Variants in CTNNA3 observed in about 807,000 individuals in gnomAD.
The protein encoded by CTNNA3 is catenin alpha-3.
Under a neutral mutation model 95.7 loss-of-function variants are expected in CTNNA3, and 76 were observed. That is an observed-to-expected ratio of 0.79 (90% CI 0.66 to 0.96). The LOEUF (loss-of-function observed/expected upper bound fraction) is 0.96, where lower values mean the gene tolerates loss of function less well. Among genes scored for constraint, CTNNA3 ranks in the 40% least tolerant of loss-of-function variants. The pLI is 0.00. For missense variants in CTNNA3, 1,191 were observed against 1,089.8 expected, an observed-to-expected ratio of 1.09 and a Z score of -1.31; for synonymous variants, 431 against 374.4, an observed-to-expected ratio of 1.15 and a Z score of -1.74.
At chr10:67,275,304 C>T (rs1322423010) in intron 5 of CTNNA3, among the ~76,000 whole-genome samples, 2 of 152,128 alleles carry the variant, frequency 1.3e-5, no homozygotes, top group East Asian at 3.9e-4. Flanking sequence ...AGTGGTGGAG[C>T]TCAGCTGTGG....
At chr10:67,345,674 G>T (rs1376692097) in intron 5 of CTNNA3, among the ~76,000 whole-genome samples, 2 of 151,938 alleles carry the variant, frequency 1.3e-5, no homozygotes, top group African/African-American at 4.8e-5. Flanking sequence ...CCATTTGCAT[G>T]GAATATCTTT....
At chr10:67,211,921 T>C (rs1002362578) in intron 6 of CTNNA3, among the ~76,000 whole-genome samples, 3 of 152,078 alleles carry the variant, frequency 2.0e-5, no homozygotes, top group African/African-American at 7.2e-5. Flanking sequence ...TATGAAGCAA[T>C]TTGATACTAT....
rs74141623 is a variant in CTNNA3, at chr10:66,662,094, T to A, written c.1282-40310A>T. Among the ~76,000 whole-genome samples the A allele has an allele frequency of 1.0e-2, 1,518 of 152,288 alleles. 24 individuals carry two copies. Among genetic ancestry groups the A allele is most frequent in the African/African-American group, 0.034 (1,424 of 41,560 alleles). On this transcript the variant is annotated intron_variant, in intron 9 of 17. Transcript: ENST00000433211. ...CAAGAACTTTAGAAACTAGAAAACATATGCTTAAAAACGAATTGTTGTTTA... is the reference window on the plus strand; with the variant it reads ...CAAGAACTTTAGAAACTAGAAAACAAATGCTTAAAAACGAATTGTTGTTTA...
chr10:66,140,887 G>A (rs1048689953), intron 13 of CTNNA3, among the ~76,000 whole-genome samples: 2 of 152,076 alleles, frequency 1.3e-5, no homozygotes, highest in Admixed American at 1.3e-4. Context: ...TTTTGTCATT[G>A]TTGTTGCTGT....
intron 13 of CTNNA3, among the ~76,000 whole-genome samples, chr10:66,121,835 C>A (rs2082595197): frequency 6.6e-6 from 1 of 151,874 alleles, no homozygotes; most frequent in Non-Finnish European, 1.5e-5. Context: ...CAGAGTGAGA[C>A]CCTGTCTCAA....
intron 12 of CTNNA3, among the ~76,000 whole-genome samples, chr10:66,315,267 A>G (rs1336994507): frequency 1.3e-5 from 2 of 152,044 alleles, no homozygotes. Flanking sequence ...TGTATCTTCT[A>G]TCCTGGCCCC....
chr10:66,949,497 G>T (rs926512666), intron 7 of CTNNA3, among the ~76,000 whole-genome samples: 1 of 151,836 alleles, frequency 6.6e-6, no homozygotes, highest in Admixed American at 6.6e-5. Flanking sequence ...GGCGGAGGTT[G>T]CAGTGAGCCA....
intron 15 of CTNNA3, among the ~76,000 whole-genome samples, chr10:66,030,495 GT>G (rs1173035083): frequency 6.6e-6 from 1 of 152,146 alleles, no homozygotes; most frequent in East Asian, 1.9e-4. Context: ...TGGGATAACT[GT>G]CTATCCGTAT....
chr10:66,194,644 A>G (rs1411002996), intron 13 of CTNNA3, among the ~76,000 whole-genome samples: 2 of 152,212 alleles, frequency 1.3e-5, no homozygotes, highest in Non-Finnish European at 2.9e-5. Flanking sequence ...ACACATTACA[A>G]GAATTTAAAA....
chr10:67,486,964 G>A (rs1403118462), intron 5 of CTNNA3, among the ~76,000 whole-genome samples: 1 of 152,068 alleles, frequency 6.6e-6, no homozygotes, highest in Non-Finnish European at 1.5e-5. Flanking sequence ...CAAATCTCCA[G>A]TAATATTGAT....
At chr10:66,089,905 T>C (rs1054704446) in intron 14 of CTNNA3, among the ~76,000 whole-genome samples, 8 of 151,956 alleles carry the variant, frequency 5.3e-5, no homozygotes, top group Middle Eastern at 3.2e-3. Context: ...GTTCTGCATA[T>C]TTTTAGAAAC....
chr10:66,703,302 C>T (rs1848013966), intron 9 of CTNNA3, among the ~76,000 whole-genome samples: 1 of 152,146 alleles, frequency 6.6e-6, no homozygotes, highest in South Asian at 2.1e-4. Flanking sequence ...ACCTTCCACA[C>T]CCACACCTCT....
At chr10:66,350,419 G>C (rs1260628672) in intron 12 of CTNNA3, among the ~76,000 whole-genome samples, 2 of 152,010 alleles carry the variant, frequency 1.3e-5, no homozygotes, top group Non-Finnish European at 2.9e-5. Flanking sequence ...GCAAAACTTA[G>C]AAATATGTTC....
At position 67,057,213 on chromosome 10, in the gene CTNNA3, T is replaced by C. The variant is rs117195482; in HGVS notation, c.1047+123104A>G. Among the ~76,000 whole-genome samples, 54 of 152,334 alleles carry C rather than the reference T, an allele frequency of 3.5e-4. No homozygotes were observed. In the East Asian group the frequency reaches 0.01, roughly 29 times the overall value. On this transcript the variant is annotated intron_variant, in intron 7 of 17. Coordinates refer to ENST00000433211, the MANE Select transcript of CTNNA3 (RefSeq NM_013266.4). The stretch of plus-strand genomic sequence containing the variant: ...ATACAATGTGATGTTTTGATATACA[T>C]ATAAATTGTGAAATGATTGCCACAA...
intron 9 of CTNNA3, among the ~76,000 whole-genome samples, chr10:66,693,993 C>T (rs1466793132): frequency 2.6e-5 from 4 of 151,762 alleles, no homozygotes; most frequent in Non-Finnish European, 5.9e-5. Flanking sequence ...GCACTAAATG[C>T]CCACAAGAGA....
At chr10:67,759,995 T>C (rs1002818818) in intron 1 of CTNNA3, among the ~76,000 whole-genome samples, 6 of 152,160 alleles carry the variant, frequency 3.9e-5, no homozygotes, top group African/African-American at 1.4e-4. Flanking sequence ...ACAGAAACTA[T>C]GAGGTAATAA....
intron 17 of CTNNA3, among the ~76,000 whole-genome samples, chr10:65,963,880 T>C (rs994950066): frequency 1.3e-5 from 2 of 152,236 alleles, no homozygotes; most frequent in African/African-American, 4.8e-5. Context: ...TTTTATTTTA[T>C]TAATTCATCT....
chr10:66,631,968 TAG>T (rs1362991044), intron 9 of CTNNA3, among the ~76,000 whole-genome samples: 11 of 150,032 alleles, frequency 7.3e-5, no homozygotes, highest in African/African-American at 2.4e-4. Context: ...TTTGTTATTA[TAG>T]CAACTAAATA....
intron 12 of CTNNA3, among the ~76,000 whole-genome samples, chr10:66,376,970 A>G (rs527700427): frequency 6.6e-6 from 1 of 152,286 alleles, no homozygotes; most frequent in Admixed American, 6.5e-5. Flanking sequence ...CAATGTCTCC[A>G]TGGGAAAGAA....
Sources: gnomAD v4.1 joint callset for allele counts (sites outside exome capture counted in the v4.1 genomes callset) on GRCh38, gnomAD v4.1.1 for gene constraint, MANE v1.5 for transcripts, NCBI Gene and HGNC (gene_info 2026-07-23, HGNC 2026-07-21) for gene names.